Variants in NARS2 observed in about 807,000 individuals in gnomAD.
The protein encoded by NARS2 is asparaginyl-tRNA synthetase.
Under a neutral mutation model 62.9 loss-of-function variants are expected in NARS2, and 60 were observed. The ratio of observed to expected loss-of-function variants is 0.95; its 90% CI spans 0.77 to 1.18. The LOEUF (loss-of-function observed/expected upper bound fraction) is 1.18. Among genes scored for constraint, NARS2 ranks in the 50% most tolerant of loss-of-function variants. The pLI is 0.00. For synonymous variants in NARS2, 196 were observed against 200.0 expected, an observed-to-expected ratio of 0.98 and a Z score of 0.17; for missense variants, 619 against 576.4, an observed-to-expected ratio of 1.07 and a Z score of -0.76.
intron 6 of NARS2, among the ~76,000 whole-genome samples, chr11:78,518,679 G>A (rs570020524): frequency 2.4e-4 from 37 of 152,056 alleles, no homozygotes; most frequent in African/African-American, 4.8e-4. Context: ...CACCACGCCC[G>A]GCCAATTTTT....
chr11:78,486,867 C>G (rs1217714522), intron 7 of NARS2, among the ~76,000 whole-genome samples: 1 of 151,708 alleles, frequency 6.6e-6, no homozygotes, highest in Non-Finnish European at 1.5e-5. Flanking sequence ...GGGAAACATT[C>G]TTAAAGAGAA....
intron 7 of NARS2, among the ~76,000 whole-genome samples, chr11:78,489,031 A>C (rs1444105548): frequency 1.3e-5 from 2 of 152,228 alleles, no homozygotes; most frequent in East Asian, 1.9e-4. Flanking sequence ...TAAAGCTATA[A>C]AACATCATAA....
chr11:78,569,025 T>C (rs1856832272), intron 2 of NARS2, among the ~76,000 whole-genome samples: 1 of 152,180 alleles, frequency 6.6e-6, no homozygotes. Flanking sequence ...ATTAAAAAGT[T>C]AGTTGGCCAA....
chr11:78,545,866 T>G (rs1855853980), intron 5 of NARS2, among the ~76,000 whole-genome samples: 1 of 152,190 alleles, frequency 6.6e-6, no homozygotes, highest in South Asian at 2.1e-4. Context: ...ATCTTTTCAG[T>G]AAAGCTTTCC....
intron 11 of NARS2, among the ~76,000 whole-genome samples, chr11:78,447,587 C>T (rs918209463): frequency 1.3e-5 from 2 of 152,026 alleles, no homozygotes; most frequent in Non-Finnish European, 2.9e-5. Context: ...AGTAAAGATA[C>T]AGAAACAACC....
At position 78,467,579 on chromosome 11, in the gene NARS2, T is replaced by A. The variant is rs187490362; in HGVS notation, c.1027-1566A>T. Among the ~76,000 whole-genome samples the A allele has an allele frequency of 1.6e-3, 240 of 150,922 alleles. 1 individual carries two copies. Among genetic ancestry groups the A allele is most frequent in the African/African-American group, 5.8e-3 (234 of 40,616 alleles). On this transcript the variant is annotated intron_variant, in intron 10 of 13. Coordinates refer to ENST00000281038, the MANE Select transcript of NARS2 (RefSeq NM_024678.6). Reference sequence around the variant, plus strand: ...TAAATAAATAAATAAATTAATTAATTAATTAAATACAATAAAAAATAAACA... The same window carrying A: ...TAAATAAATAAATAAATTAATTAATAAATTAAATACAATAAAAAATAAACA...
rs542401611 is a variant in NARS2, at chr11:78,492,518, A to G, written c.822+545T>C. On this transcript the variant is annotated intron_variant, in intron 7 of 13. Coordinates refer to ENST00000281038, the MANE Select transcript of NARS2 (RefSeq NM_024678.6). ...ATGGCACTGAAATACAAGGTCTTTCATGATCTGTTGCCTGACCATGACCAT... is the reference window on the plus strand; with the variant it reads ...ATGGCACTGAAATACAAGGTCTTTCGTGATCTGTTGCCTGACCATGACCAT... Among the ~76,000 whole-genome samples the G allele has an allele frequency of 2.8e-4, 43 of 152,322 alleles. 1 individual carries two copies. The highest frequency in any genetic ancestry group is 3.9e-4 in the East Asian group (2 of 5,194).
chr11:78,484,708 G>A (rs192167353), intron 7 of NARS2, among the ~76,000 whole-genome samples: 135 of 152,288 alleles, frequency 8.9e-4, no homozygotes, highest in African/African-American at 3.2e-3. Flanking sequence ...CAGTTAGAAT[G>A]GCAATTATTA....
chr11:78,485,483 G>A (rs1450235104), intron 7 of NARS2, among the ~76,000 whole-genome samples: 1 of 152,102 alleles, frequency 6.6e-6, no homozygotes, highest in African/African-American at 2.4e-5. Context: ...GGTGGAATGG[G>A]AACTAGTCAA....
intron 6 of NARS2, among the ~76,000 whole-genome samples, chr11:78,513,816 A>G (rs1860807078): frequency 6.6e-6 from 1 of 152,096 alleles, no homozygotes; most frequent in East Asian, 1.9e-4. Context: ...TTGAGTTGTA[A>G]TACCCAATGC....
At chr11:78,557,328 A>G (rs984594527) in intron 5 of NARS2, among the ~76,000 whole-genome samples, 3 of 152,232 alleles carry the variant, frequency 2.0e-5, no homozygotes, top group African/African-American at 7.2e-5. Context: ...TAAAAGGGGT[A>G]CCAAAATTCA....
intron 6 of NARS2, among the ~76,000 whole-genome samples, chr11:78,493,631 C>G (rs980264509): frequency 6.6e-6 from 1 of 150,714 alleles, no homozygotes; most frequent in African/African-American, 2.4e-5. Flanking sequence ...GCATTCTGGC[C>G]TGGGCGAGAG....
chr11:78,465,780 A>G, intron 11 of NARS2, 96 bp downstream of exon 11: 1 of 1,330,152 alleles, frequency 7.5e-7, no homozygotes, highest in East Asian at 2.3e-5. Flanking sequence ...TTTAAGAGAT[A>G]GAGTGATAGA....
intron 5 of NARS2, among the ~76,000 whole-genome samples, chr11:78,553,168 A>G (rs1856190577): frequency 6.6e-6 from 1 of 151,920 alleles, no homozygotes; most frequent in Non-Finnish European, 1.5e-5. Flanking sequence ...GTGAGATGGT[A>G]TCTCATTGTG....
chr11:78,482,246 A>C (rs1859386222), intron 7 of NARS2, among the ~76,000 whole-genome samples: 1 of 152,232 alleles, frequency 6.6e-6, no homozygotes, highest in Admixed American at 6.5e-5. Context: ...CAGCTAAAGC[A>C]GTGTTAAGAG....
chr11:78,484,707 T>A (rs1859500318), intron 7 of NARS2, among the ~76,000 whole-genome samples: 1 of 152,192 alleles, frequency 6.6e-6, no homozygotes, highest in African/African-American at 2.4e-5. Flanking sequence ...TCAGTTAGAA[T>A]GGCAATTATT....
chr11:78,496,940 G>A (rs1032912215), intron 6 of NARS2, among the ~76,000 whole-genome samples: 32 of 151,926 alleles, frequency 2.1e-4, no homozygotes, highest in Non-Finnish European at 3.5e-4. Context: ...CCACAGACAT[G>A]AAAGCCATTT....
At chr11:78,465,269 C>A (rs1209336009) in intron 11 of NARS2, among the ~76,000 whole-genome samples, 3 of 152,268 alleles carry the variant, frequency 2.0e-5, no homozygotes, top group African/African-American at 7.2e-5. Context: ...AGCCCTGGTT[C>A]CCGCCCATGC....
chr11:78,537,878 T>G (rs1308819899), intron 5 of NARS2, among the ~76,000 whole-genome samples: 1 of 152,212 alleles, frequency 6.6e-6, no homozygotes, highest in East Asian at 1.9e-4. Flanking sequence ...TTCAAAACAT[T>G]CCTTAAGTAG....
Sources: allele counts gnomAD v4.1 joint callset (sites outside exome capture counted in the v4.1 genomes callset), GRCh38; gene constraint gnomAD v4.1.1; transcripts MANE v1.5; gene names NCBI Gene and HGNC (gene_info 2026-07-23, HGNC 2026-07-21).